The following FAM168A variants were observed in gnomAD, a reference collection of about 807,000 sequenced individuals.
The protein encoded by FAM168A is family with sequence similarity 168 member A.
FAM168A carries 3 observed loss-of-function variants against 28.5 expected under a neutral mutation model. That is an observed-to-expected ratio of 0.11 (90% CI 0.05 to 0.27). FAM168A has a LOEUF of 0.27. Among genes scored for constraint, FAM168A ranks in the 10% least tolerant of loss-of-function variants. The pLI, the probability that FAM168A is intolerant of heterozygous loss-of-function variation, is 1.00. For missense variants in FAM168A, 222 were observed against 311.5 expected (o/e 0.71, Z 2.16); for synonymous variants, 122 against 124.2 (o/e 0.98, Z 0.12).
At chr11:73,478,872 G>GA (rs1163964827) in intron 1 of FAM168A, among the ~76,000 whole-genome samples, 1 of 152,074 alleles carries the variant, frequency 6.6e-6, no homozygotes, top group Non-Finnish European at 1.5e-5. Flanking sequence ...AGAATTTAAA[G>GA]AAAAAAACAA....
intron 1 of FAM168A, among the ~76,000 whole-genome samples, chr11:73,511,275 T>C (rs1337586105): frequency 6.6e-6 from 1 of 151,942 alleles, no homozygotes; most frequent in Non-Finnish European, 1.5e-5. Context: ...TCCAGCTCTG[T>C]CGCCCAGGCT....
chr11:73,464,566 G>A (rs926240773), intron 2 of FAM168A, among the ~76,000 whole-genome samples: 12 of 152,284 alleles, frequency 7.9e-5, no homozygotes, highest in East Asian at 1.9e-4. Context: ...TGGCCACAAC[G>A]GAATGAAGAG....
At chr11:73,515,763 G>C (rs1482270398) in intron 1 of FAM168A, among the ~76,000 whole-genome samples, 1 of 152,044 alleles carries the variant, frequency 6.6e-6, no homozygotes, top group African/African-American at 2.4e-5. Context: ...CTTCTCACAG[G>C]ACAAGTATCA....
At chr11:73,449,068 T>G (rs1244221092) in intron 2 of FAM168A, among the ~76,000 whole-genome samples, 1 of 152,070 alleles carries the variant, frequency 6.6e-6, no homozygotes, top group Non-Finnish European at 1.5e-5. Flanking sequence ...CTTGACCTCT[T>G]GGGCTCAAGC....
At chr11:73,469,892 G>C (rs112892226) in intron 1 of FAM168A, among the ~76,000 whole-genome samples, 3 of 152,150 alleles carry the variant, frequency 2.0e-5, no homozygotes, top group South Asian at 2.1e-4. Context: ...ATAATGAAAA[G>C]AGATCATAGA....
At chr11:73,458,892 G>T (rs1376914116) in intron 2 of FAM168A, among the ~76,000 whole-genome samples, 1 of 152,196 alleles carries the variant, frequency 6.6e-6, no homozygotes, top group African/African-American at 2.4e-5. Context: ...TTACAGGCGT[G>T]AGCCACTGCA....
intron 1 of FAM168A, among the ~76,000 whole-genome samples, chr11:73,478,106 T>C (rs930801900): frequency 6.6e-6 from 1 of 152,186 alleles, no homozygotes; most frequent in Non-Finnish European, 1.5e-5. Flanking sequence ...AGTAAGGAAG[T>C]ATGGGAATGC....
chr11:73,500,958 G>A (rs1173482712), intron 1 of FAM168A, among the ~76,000 whole-genome samples: 1 of 148,784 alleles, frequency 6.7e-6, no homozygotes, highest in African/African-American at 2.5e-5. Context: ...TATGTGCAAA[G>A]ACACACACAG....
intron 1 of FAM168A, among the ~76,000 whole-genome samples, chr11:73,492,498 C>T (rs775027504): frequency 9.2e-5 from 14 of 152,012 alleles, no homozygotes; most frequent in Admixed American, 3.3e-4. Context: ...AAAAATTAGC[C>T]GGGCACGGTG....
chr11:73,547,119 G>A (rs1943767007), intron 1 of FAM168A, among the ~76,000 whole-genome samples: 2 of 144,062 alleles, frequency 1.4e-5, no homozygotes, highest in African/African-American at 2.5e-5. Flanking sequence ...GAAAACAAAA[G>A]GAAGAAGAAA....
Position 73,565,864 on chromosome 11 carries a change from A to G in FAM168A, c.-19+32059T>C, listed in dbSNP as rs143654759. Among the ~76,000 whole-genome samples, 6 of 152,322 alleles carry G rather than the reference A, an allele frequency of 3.9e-5. No homozygotes were observed. In the East Asian group the frequency reaches 1.2e-3, roughly 29 times the overall value. On this transcript the variant is annotated intron_variant, in intron 1 of 7. Transcript: ENST00000356467. The stretch of plus-strand genomic sequence containing the variant: ...TTTCACCAGGCTCTTGCGGCATCCA[A>G]TTAAGTAATAACATGAGAGAGGAGC...
intron 1 of FAM168A, among the ~76,000 whole-genome samples, chr11:73,496,472 T>A (rs7927344): frequency 6.6e-6 from 1 of 152,130 alleles, no homozygotes. Context: ...TATCACACAA[T>A]GAAGTGCATA....
chr11:73,517,124 A>G (rs1943314042), intron 1 of FAM168A, among the ~76,000 whole-genome samples: 1 of 152,178 alleles, frequency 6.6e-6, no homozygotes, highest in South Asian at 2.1e-4. Context: ...ATCACAGCTC[A>G]CTATAACTTC....
chr11:73,409,654 T>C lies in FAM168A; in HGVS notation c.428A>G (p.Tyr143Cys), dbSNP rs773755829. The change falls in exon 6 of 8, where the codon TAC becomes TGC. Residue 143 changes from tyrosine to cysteine, a missense_variant. By Grantham distance (194) the Tyr-to-Cys change is radical (BLOSUM62 -2). Around this residue, in one of 3 missense-constraint regions of FAM168A, gnomAD observed 153 missense variants for 189.2 expected, o/e 0.81. Transcript: ENST00000356467. The stretch of plus-strand genomic sequence containing the variant: ...GGCAGCATACACCGGCTGTGTGTAG[T>C]AGGCTCCCTGGGGGAAAGAGGCTGA... ...PQQNLYAQGAYYTQPVYAAQP... is the reference protein window; with the variant it reads ...PQQNLYAQGACYTQPVYAAQP... The C allele has an allele frequency of 6.2e-7, 1 of 1,603,390 alleles. No homozygotes were observed. Among genetic ancestry groups the C allele is most frequent in the Non-Finnish European group, 8.5e-7 (1 of 1,173,532 alleles).
chr11:73,577,392 C>G (rs1051737334), intron 1 of FAM168A, among the ~76,000 whole-genome samples: 2 of 152,138 alleles, frequency 1.3e-5, no homozygotes, highest in South Asian at 4.1e-4. Flanking sequence ...AATAATTTCA[C>G]AAATTATTTA....
At chr11:73,572,848 T>C (rs1462012481) in intron 1 of FAM168A, among the ~76,000 whole-genome samples, 2 of 151,908 alleles carry the variant, frequency 1.3e-5, no homozygotes, top group Non-Finnish European at 2.9e-5. Context: ...TCCCCCTCTG[T>C]GAGAAACACC....
chr11:73,577,745 C>T (rs575861595), intron 1 of FAM168A, among the ~76,000 whole-genome samples: 1 of 152,314 alleles, frequency 6.6e-6, no homozygotes, highest in African/African-American at 2.4e-5. Flanking sequence ...GCTTATGCAG[C>T]TTGATCACAA....
chr11:73,510,768 C>T (rs774374473), intron 1 of FAM168A: 10 of 377,548 alleles, frequency 2.6e-5, no homozygotes, highest in Non-Finnish European at 4.2e-5. Flanking sequence ...CAATTGGCTT[C>T]CTAGGGTTTA....
chr11:73,469,961 G>A (rs1025622764), intron 1 of FAM168A, among the ~76,000 whole-genome samples: 15 of 152,064 alleles, frequency 9.9e-5, no homozygotes, highest in African/African-American at 3.6e-4. Flanking sequence ...GCCTAGCCTG[G>A]AGAGCAGTGG....
Sources: gnomAD v4.1 joint callset for allele counts (sites outside exome capture counted in the v4.1 genomes callset) on GRCh38, gnomAD v4.1.1 for gene constraint, gnomAD v4.1.1 regional missense constraint, MANE v1.5 for transcripts, NCBI Gene and HGNC (gene_info 2026-07-23, HGNC 2026-07-21) for gene names.